The following CFH variants were observed in gnomAD, a reference collection of about 807,000 sequenced individuals.
The protein encoded by CFH is H factor 1 (complement).
In CFH, 53 loss-of-function variants were observed where a neutral mutation model predicts 147.3. That is an observed-to-expected ratio of 0.36 (90% CI 0.29 to 0.45). The LOEUF is 0.45. Among genes scored for constraint, CFH ranks in the 20% least tolerant of loss-of-function variants. The pLI, the probability that CFH is intolerant of heterozygous loss-of-function variation, is 1.00. For missense variants in CFH, 1,380 were observed against 1,498.0 expected (o/e 0.92, Z 1.30); for synonymous variants, 536 against 489.4 (o/e 1.10, Z -1.26).
chr1:196,674,347 T>C (rs1667385243), intron 3 of CFH, among the ~76,000 whole-genome samples: 2 of 152,200 alleles, frequency 1.3e-5, no homozygotes, highest in African/African-American at 4.8e-5. Flanking sequence ...TGACAGGTTT[T>C]ATAAAATTTA....
At chr1:196,708,905 C>T (rs1195218917) in intron 9 of CFH, among the ~76,000 whole-genome samples, 4 of 152,170 alleles carry the variant, frequency 2.6e-5, no homozygotes, top group Admixed American at 6.5e-5. Flanking sequence ...AGTATACACT[C>T]ACTGGGACAT....
chr1:196,672,892 G>A (rs1667330211), intron 1 of CFH, 86 bp from the exon 2 acceptor site: 1 of 1,076,994 alleles, frequency 9.3e-7, no homozygotes. Flanking sequence ...TGACTGTCTA[G>A]GCATTTTTAA....
chr1:196,711,892 T>C (rs1360970847), intron 9 of CFH, among the ~76,000 whole-genome samples: 1 of 152,120 alleles, frequency 6.6e-6, no homozygotes, highest in African/African-American at 2.4e-5. Flanking sequence ...AGCCAAATAA[T>C]CTAGGGAGTT....
intron 3 of CFH, among the ~76,000 whole-genome samples, chr1:196,674,789 T>A (rs561757626): frequency 6.6e-6 from 1 of 152,166 alleles, no homozygotes; most frequent in Non-Finnish European, 1.5e-5. Flanking sequence ...TTAACATTTA[T>A]GGGTATTTAA....
intron 1 of CFH, among the ~76,000 whole-genome samples, chr1:196,657,497 T>C (rs1421695749): frequency 1.3e-5 from 2 of 152,158 alleles, no homozygotes; most frequent in East Asian, 1.9e-4. Context: ...TTTTCGTACA[T>C]GCGGTTTCCA....
chr1:196,678,327 G>A (rs1667527135), intron 5 of CFH: 2 of 152,138 alleles, frequency 1.3e-5, no homozygotes, highest in African/African-American at 2.4e-5. Flanking sequence ...TGTGCATCAT[G>A]ACCAATCAAA....
intron 6 of CFH, among the ~76,000 whole-genome samples, chr1:196,683,477 A>C (rs1433960361): frequency 6.6e-6 from 1 of 151,748 alleles, no homozygotes; most frequent in Non-Finnish European, 1.5e-5. Flanking sequence ...GCAATTATAA[A>C]ATGGTATTTT....
At chr1:196,698,457 A>G (rs559974020) in intron 9 of CFH, among the ~76,000 whole-genome samples, 1 of 152,318 alleles carries the variant, frequency 6.6e-6, no homozygotes, top group African/African-American at 2.4e-5. Flanking sequence ...TACACAAATA[A>G]AGTAGAAAAT....
In CFH at chr1:196,676,058, A is replaced by G; in HGVS notation, c.420A>G (p.Ile140Met). The G allele has an allele frequency of 6.3e-7, 1 of 1,585,034 alleles. No homozygotes were observed. The highest frequency in any genetic ancestry group is 8.7e-7 in the Non-Finnish European group (1 of 1,155,170). Residue 140 changes from isoleucine (I) to methionine (M), a missense_variant, in exon 4 of 22, where the codon ATA (isoleucine) becomes ATG (methionine). Ile to Met is a conservative substitution (Grantham distance 10). Coordinates refer to ENST00000367429, the MANE Select transcript of CFH (RefSeq NM_000186.4). Reference sequence around the variant, plus strand: ...ATGGATGGACCAATGATATTCCTATATGTGAAGGTAGACATAAAATGTATT... The same window carrying G: ...ATGGATGGACCAATGATATTCCTATGTGTGAAGGTAGACATAAAATGTATT... Reference protein sequence around the residue: ...DTDGWTNDIPICEVVKCLPVT... With the variant: ...DTDGWTNDIPMCEVVKCLPVT...
At chr1:196,710,043 CACACACAG>C (rs1668687831) in intron 9 of CFH, among the ~76,000 whole-genome samples, 1 of 83,002 alleles carries the variant, frequency 1.2e-5, no homozygotes, top group Non-Finnish European at 2.2e-5. Flanking sequence ...CACAAACATA[CACACACAG>C]ACACACAGAC....
intron 1 of CFH, among the ~76,000 whole-genome samples, chr1:196,670,768 T>A (rs1667249942): frequency 6.6e-6 from 1 of 152,182 alleles, no homozygotes; most frequent in Non-Finnish European, 1.5e-5. Flanking sequence ...CAGCAGAGTA[T>A]CAGTATAGGT....
Position 196,739,522 on chromosome 1 carries a change from C to G in CFH, c.2783-1097C>G, listed in dbSNP as rs34279302. The stretch of plus-strand genomic sequence containing the variant: ...TTGCATAGCAGGAGTGACCTTTACT[C>G]CAGTTTCAAACAAGTTCCTCACCTC... On this transcript the variant is annotated intron_variant, in intron 17 of 21. Coordinates refer to ENST00000367429, the MANE Select transcript of CFH (RefSeq NM_000186.4). Among the ~76,000 whole-genome samples the G allele has an allele frequency of 6.4e-4, 97 of 152,236 alleles. No homozygotes were observed. The East Asian group carries it at 8.1e-3, about 13-fold the overall frequency.
intron 1 of CFH, among the ~76,000 whole-genome samples, chr1:196,660,479 T>C (rs1215032406): frequency 6.6e-6 from 1 of 152,172 alleles, no homozygotes; most frequent in Non-Finnish European, 1.5e-5. Flanking sequence ...ACTCTGTGAA[T>C]AGACTGAAGT....
chr1:196,737,605 A>C lies in CFH; in HGVS notation c.2727A>C (p.Glu909Asp), dbSNP rs1046246020. 6.2e-7 allele frequency: 1 copy of C among 1,613,526 alleles called. No individual in the cohort carries two copies. Among genetic ancestry groups the C allele is most frequent in the Non-Finnish European group, 8.5e-7 (1 of 1,179,670 alleles). Reference protein sequence around the residue: ...YTCEGGFRISEENETTCYMGK... With the variant: ...YTCEGGFRISDENETTCYMGK... ...GTGAGGGTGGTTTCAGGATATCTGA[A>C]GAAAATGAAACAACATGCTACATGG... Residue 909 changes from glutamate (E) to aspartate (D), a missense_variant, in exon 17 of 22, where the codon GAA becomes GAC. Transcript: ENST00000367429.
At chr1:196,705,171 A>G (rs1174145082) in intron 9 of CFH, among the ~76,000 whole-genome samples, 1 of 150,778 alleles carries the variant, frequency 6.6e-6, no homozygotes, top group Non-Finnish European at 1.5e-5. Context: ...AACTATGGCA[A>G]ATTGACCAGA....
At chr1:196,741,025 C>T (rs1652791536) in intron 18 of CFH, 1 of 526,474 alleles carries the variant, frequency 1.9e-6, no homozygotes, top group Non-Finnish European at 3.4e-6. Context: ...GATGTATATT[C>T]TCAGACTTCT....
intron 1 of CFH, among the ~76,000 whole-genome samples, chr1:196,660,752 G>C (rs981953758): frequency 2.5e-4 from 38 of 152,276 alleles, no homozygotes; most frequent in African/African-American, 8.4e-4. Flanking sequence ...TATTCACAGA[G>C]TAAATATTGT....
chr1:196,727,331 A>T (rs1002913661), intron 14 of CFH, among the ~76,000 whole-genome samples: 1 of 151,954 alleles, frequency 6.6e-6, no homozygotes, highest in Non-Finnish European at 1.5e-5. Flanking sequence ...GCAAAAGCCC[A>T]TCTCTATAAA....
At chr1:196,670,889 T>C (rs561976382) in intron 1 of CFH, among the ~76,000 whole-genome samples, 32 of 152,336 alleles carry the variant, frequency 2.1e-4, no homozygotes, top group African/African-American at 7.7e-4. Flanking sequence ...ATATTGCCTA[T>C]GTTCATTTTC....
Sources: allele counts gnomAD v4.1 joint callset (sites outside exome capture counted in the v4.1 genomes callset), GRCh38; gene constraint gnomAD v4.1.1; transcripts MANE v1.5; gene names NCBI Gene and HGNC (gene_info 2026-07-23, HGNC 2026-07-21).